Variants in FUT8 observed in about 807,000 individuals in gnomAD.
FUT8 encodes the protein fucosyltransferase 8.
Under a neutral mutation model 71.3 loss-of-function variants are expected in FUT8, and 29 were observed. The observed-to-expected ratio is 0.41, with a 90% CI of 0.30 to 0.55. The LOEUF is 0.55. Among genes scored for constraint, FUT8 ranks in the 20% least tolerant of loss-of-function variants. The probability of loss-of-function intolerance (pLI) is 0.34; values close to 1 mark genes in which losing one functional copy is unlikely to be tolerated. For synonymous variants in FUT8, 254 were observed against 239.3 expected (o/e 1.06, Z -0.57); for missense variants, 544 against 702.1 (o/e 0.77, Z 2.55).
chr14:65,683,437 T>G (rs1481381818), intron 7 of FUT8, among the ~76,000 whole-genome samples: 1 of 152,248 alleles, frequency 6.6e-6, no homozygotes. Flanking sequence ...ATAGAATTGC[T>G]TGTTAGGAAA....
At chr14:65,701,586 T>C (rs1403551294) in intron 7 of FUT8, among the ~76,000 whole-genome samples, 1 of 152,206 alleles carries the variant, frequency 6.6e-6, no homozygotes, top group Admixed American at 6.5e-5. Context: ...AAATGTGTCA[T>C]ACAAATAAAT....
intron 3 of FUT8, among the ~76,000 whole-genome samples, chr14:65,597,621 T>TAA (rs5809284): frequency 7.0e-6 from 1 of 143,284 alleles, no homozygotes. Context: ...AGACTCTGTC[T>TAA]AAAAAAAAAA....
At chr14:65,466,951 A>G (rs1478702496) in intron 2 of FUT8, among the ~76,000 whole-genome samples, 1 of 152,082 alleles carries the variant, frequency 6.6e-6, no homozygotes, top group Non-Finnish European at 1.5e-5. Context: ...CTTTTCCATA[A>G]TTTACAGTCA....
At chr14:65,449,830 G>C (rs941897054) in intron 1 of FUT8, among the ~76,000 whole-genome samples, 1 of 152,200 alleles carries the variant, frequency 6.6e-6, no homozygotes, top group African/African-American at 2.4e-5. Context: ...GGGAAACCTA[G>C]AATGGCCTTA....
rs559928375 is a variant in FUT8, at chr14:65,467,625, C to T, written c.-228+11907C>T. On this transcript the variant is annotated intron_variant, in intron 2 of 10. Transcript: ENST00000673929. This position sits in a 1 kb window ranked among gnomAD's most constrained non-coding sequence, Gnocchi z 4.1. Reference sequence around the variant, plus strand: ...CTGAGTAGCTGGAATTAGAGGCGCCCATCACCACGCCCAGCTAATTTTTTG... The same window carrying T: ...CTGAGTAGCTGGAATTAGAGGCGCCTATCACCACGCCCAGCTAATTTTTTG... Among the ~76,000 whole-genome samples, 3 of 152,210 alleles carry T rather than the reference C, an allele frequency of 2.0e-5. No homozygotes were observed. Among genetic ancestry groups the T allele is most frequent in the East Asian group, 3.9e-4 (2 of 5,184 alleles).
chr14:65,384,106 C>G, the FUT8 span, among the ~76,000 whole-genome samples: 5 of 152,196 alleles, frequency 3.3e-5, no homozygotes, highest in Admixed American at 3.3e-4. The surrounding 1 kb of genome is among the most constrained non-coding windows in gnomAD (Gnocchi z 4.2). Context: ...CAACCAGAAG[C>G]CAATGAACCA....
intron 2 of FUT8, among the ~76,000 whole-genome samples, chr14:65,539,860 T>C (rs910311736): frequency 6.6e-6 from 1 of 152,232 alleles, no homozygotes. Flanking sequence ...AAGACCACAC[T>C]GTGTAACTCC....
chr14:65,710,785 T>A (rs1894776556), intron 7 of FUT8, among the ~76,000 whole-genome samples: 1 of 152,142 alleles, frequency 6.6e-6, no homozygotes. Context: ...GGCTGAGTAA[T>A]TTATAACAAA....
At chr14:65,460,333 A>G (rs2065952588) in intron 2 of FUT8, among the ~76,000 whole-genome samples, 1 of 152,228 alleles carries the variant, frequency 6.6e-6, no homozygotes, top group African/African-American at 2.4e-5. Flanking sequence ...CAGATGGCAC[A>G]TTTCTTTGCT....
At chr14:65,360,378 C>A in the FUT8 span, among the ~76,000 whole-genome samples, 25 of 152,290 alleles carry the variant, frequency 1.6e-4, no homozygotes, top group African/African-American at 5.5e-4. Flanking sequence ...CTGATTATAC[C>A]ATTATGGAGT....
At chr14:65,667,596 G>T (rs1478326223) in intron 6 of FUT8, among the ~76,000 whole-genome samples, 1 of 152,040 alleles carries the variant, frequency 6.6e-6, no homozygotes, top group Non-Finnish European at 1.5e-5. Context: ...TGGCCATAGT[G>T]CCCAAAGCAA....
At chr14:65,714,251 A>T (rs1204333473) in intron 7 of FUT8, among the ~76,000 whole-genome samples, 2 of 152,058 alleles carry the variant, frequency 1.3e-5, no homozygotes, top group Non-Finnish European at 2.9e-5. Flanking sequence ...TGCTAGAGCC[A>T]TGCTGTTTTG....
At chr14:65,720,165 C>T (rs1895340428) in intron 7 of FUT8, among the ~76,000 whole-genome samples, 1 of 151,930 alleles carries the variant, frequency 6.6e-6, no homozygotes, top group African/African-American at 2.4e-5. Flanking sequence ...GCTGAGCTGG[C>T]ATCCAAACCA....
At chr14:65,624,670 AT>A (rs1217160882) in intron 5 of FUT8, among the ~76,000 whole-genome samples, 1 of 152,244 alleles carries the variant, frequency 6.6e-6, no homozygotes, top group Non-Finnish European at 1.5e-5. Context: ...GTAGTGACAC[AT>A]TTGACGTAAA....
At chr14:65,731,417 A>G (rs17102869) in intron 9 of FUT8, among the ~76,000 whole-genome samples, 3,878 of 152,310 alleles carry the variant, frequency 0.025, 155 homozygotes, top group African/African-American at 0.089. Context: ...TATTCCCAGT[A>G]TCTGAAACCT....
At chr14:65,463,089 C>T (rs927525382) in intron 2 of FUT8, among the ~76,000 whole-genome samples, 10 of 152,078 alleles carry the variant, frequency 6.6e-5, no homozygotes, top group Middle Eastern at 3.4e-3. Context: ...TTAGAAGATA[C>T]ATTAGAATAT....
At chr14:65,478,505 T>G (rs1401699162) in intron 2 of FUT8, among the ~76,000 whole-genome samples, 1 of 152,210 alleles carries the variant, frequency 6.6e-6, no homozygotes, top group African/African-American at 2.4e-5. Flanking sequence ...GTGATTTTTT[T>G]TTCTAATTTG....
intron 7 of FUT8, among the ~76,000 whole-genome samples, chr14:65,714,409 T>A (rs1894951668): frequency 6.7e-6 from 1 of 150,154 alleles, no homozygotes; most frequent in Admixed American, 6.6e-5. Flanking sequence ...CTTTTGTGGT[T>A]CCATATAAAT....
intron 3 of FUT8, among the ~76,000 whole-genome samples, chr14:65,582,631 C>T (rs1171618193): frequency 6.6e-6 from 1 of 152,176 alleles, no homozygotes; most frequent in Non-Finnish European, 1.5e-5. Context: ...TATATGTTCA[C>T]CCAGCAGCCA....
Sources: allele counts gnomAD v4.1 joint callset (sites outside exome capture counted in the v4.1 genomes callset), GRCh38; gene constraint gnomAD v4.1.1; non-coding constraint Gnocchi (gnomAD v3.1); transcripts MANE v1.5; gene names NCBI Gene and HGNC (gene_info 2026-07-23, HGNC 2026-07-21).